ABCC4: variants seen among roughly 807,000 people sequenced by gnomAD.
The protein encoded by ABCC4 is ATP-binding cassette sub-family C member 4.
Under a neutral mutation model 168.5 loss-of-function variants are expected in ABCC4, and 102 were observed. The observed-to-expected ratio is 0.61, with a 90% confidence interval of 0.52 to 0.71. The LOEUF (loss-of-function observed/expected upper bound fraction) is 0.71. Among genes scored for constraint, ABCC4 ranks in the 30% least tolerant of loss-of-function variants. The probability of loss-of-function intolerance (pLI) is 0.00; values close to 1 mark genes in which losing one functional copy is unlikely to be tolerated. For synonymous variants in ABCC4, 617 were observed against 590.7 expected (o/e 1.04, Z -0.65); for missense variants, 1,402 against 1,605.8 (o/e 0.87, Z 2.17).
intron 19 of ABCC4, among the ~76,000 whole-genome samples, chr13:95,148,700 CT>C (rs1380571125): frequency 1.3e-5 from 2 of 151,600 alleles, no homozygotes; most frequent in Non-Finnish European, 1.5e-5. Context: ...CCAAAGTTCT[CT>C]CTCATTTGAC....
At chr13:95,144,649 A>T (rs2036428435) in intron 19 of ABCC4, among the ~76,000 whole-genome samples, 1 of 152,178 alleles carries the variant, frequency 6.6e-6, no homozygotes, top group Non-Finnish European at 1.5e-5. Flanking sequence ...GGCCACAAAA[A>T]CATAAAATAT....
chr13:95,208,778 G>A (rs1303625638), intron 6 of ABCC4, among the ~76,000 whole-genome samples: 4 of 151,788 alleles, frequency 2.6e-5, no homozygotes, highest in South Asian at 2.1e-4. Context: ...GTACCACCAT[G>A]CCCAGCTAAT....
intron 20 of ABCC4, among the ~76,000 whole-genome samples, chr13:95,091,793 C>T (rs8001657): frequency 0.19 from 29,008 of 151,876 alleles, 2,931 homozygotes; most frequent in Middle Eastern, 0.27. Context: ...ACAAACAGCG[C>T]GATGAATACA....
intron 19 of ABCC4, among the ~76,000 whole-genome samples, chr13:95,131,381 A>G (rs978433290): frequency 1.3e-5 from 2 of 152,150 alleles, no homozygotes; most frequent in African/African-American, 2.4e-5. Context: ...TAATCCTAAC[A>G]CTTTTGGAGG....
intron 20 of ABCC4, among the ~76,000 whole-genome samples, chr13:95,107,997 G>A (rs1472552399): frequency 6.6e-6 from 1 of 152,108 alleles, no homozygotes; most frequent in Non-Finnish European, 1.5e-5. Flanking sequence ...GCTTCCAGAT[G>A]CTCATATCTA....
intron 20 of ABCC4, among the ~76,000 whole-genome samples, chr13:95,107,593 A>G (rs766742463): frequency 5.3e-5 from 8 of 152,206 alleles, no homozygotes; most frequent in Non-Finnish European, 1.2e-4. Context: ...ACAGAGCTAT[A>G]TATATCACAA....
In ABCC4 at chr13:95,164,453, G is replaced by A. The variant is rs11568666; in HGVS notation, c.2100C>T (p.Ala700=). 7.5e-3 allele frequency: 12,180 copies of A among 1,614,150 alleles called. 66 individuals are homozygous for A. Among genetic ancestry groups the A allele is most frequent in the South Asian group, 0.011 (1,028 of 91,084 alleles). ...CACCAGCTCTGAAGTAATTCTTATA[G>A]GCCTGAAAACCAACTTTTCCTTCAG... ...NRSEGKVGFQ[A]YKNYFRAGAH... Residue 700 remains alanine, a synonymous_variant, in exon 16 of 31, where the codon GCC becomes GCT. Coordinates refer to ENST00000645237, the MANE Select transcript of ABCC4 (RefSeq NM_005845.5).
chr13:95,162,603 T>G (rs959935761), intron 18 of ABCC4, among the ~76,000 whole-genome samples: 11 of 152,172 alleles, frequency 7.2e-5, no homozygotes, highest in Admixed American at 7.2e-4. Context: ...AGCTTCCCTC[T>G]TAAGTAATTA....
At chr13:95,089,827 G>A (rs1329085129) in intron 20 of ABCC4, among the ~76,000 whole-genome samples, 5 of 151,256 alleles carry the variant, frequency 3.3e-5, no homozygotes, top group Admixed American at 6.6e-5. Context: ...GCAGTGAGCC[G>A]AAATCATGCC....
Position 95,209,534 on chromosome 13 carries a change from G to GT in ABCC4, c.684dup (p.Leu229ThrfsTer36). ...CACGATATTCCTATCTCCATCCAGAGTAGGGCAGTCACTGCAATCGCCTGC... is the reference window on the plus strand; with the variant it reads ...CACGATATTCCTATCTCCATCCAGAGTTAGGGCAGTCACTGCAATCGCCTGC... On this transcript the variant is annotated frameshift_variant, in exon 6 of 31. Transcript: ENST00000645237. LOFTEE classifies it high-confidence loss of function. 4 of 1,614,106 alleles carry GT rather than the reference G, an allele frequency of 2.5e-6. No homozygotes were observed. The highest frequency in any genetic ancestry group is 3.4e-6 in the Non-Finnish European group (4 of 1,179,940).
At chr13:95,047,627 A>G (rs1456864584) in intron 27 of ABCC4, among the ~76,000 whole-genome samples, 2 of 151,618 alleles carry the variant, frequency 1.3e-5, no homozygotes, top group Non-Finnish European at 2.9e-5. Flanking sequence ...CTACAGGTGC[A>G]TACCACCACA....
At chr13:95,029,167 CATATATATATATATATATATATATAT>C (rs67576340) in intron 30 of ABCC4, among the ~76,000 whole-genome samples, 7 of 82,932 alleles carry the variant, frequency 8.4e-5, no homozygotes, top group African/African-American at 2.3e-4. Flanking sequence ...AAAAAAAATA[CATATATATATATATATATATATATAT>C]ATATATATAT....
At chr13:95,119,275 C>T (rs778926160) in intron 19 of ABCC4, among the ~76,000 whole-genome samples, 16 of 152,208 alleles carry the variant, frequency 1.1e-4, no homozygotes, top group Admixed American at 6.5e-4. Flanking sequence ...TGCATCCCCA[C>T]GGACCCCAAA....
At chr13:95,184,925 G>C (rs944777836) in intron 11 of ABCC4, among the ~76,000 whole-genome samples, 2 of 152,120 alleles carry the variant, frequency 1.3e-5, no homozygotes, top group East Asian at 3.9e-4. Flanking sequence ...TCCACTCACT[G>C]CAACACACTG....
intron 19 of ABCC4, among the ~76,000 whole-genome samples, chr13:95,152,615 A>G (rs932230412): frequency 5.3e-5 from 8 of 152,238 alleles, no homozygotes; most frequent in Non-Finnish European, 1.0e-4. Flanking sequence ...AAAACTTGAT[A>G]AAAGCAAAAA....
chr13:95,043,982 A>G lies in ABCC4; in HGVS notation c.3630-195T>C, dbSNP rs72642341. 5.4e-3 allele frequency among the ~76,000 whole-genome samples: 824 copies of G among 152,334 alleles called. 6 individuals are homozygous for G. The highest frequency in any genetic ancestry group is 0.018 in the South Asian group (89 of 4,820). On this transcript the variant is annotated intron_variant, in intron 28 of 30. Coordinates refer to ENST00000645237, the MANE Select transcript of ABCC4 (RefSeq NM_005845.5). ...ATAAAAATCTATGTAGTAATTTACT[A>G]ATTTTCATAAAACAACGAAAAATGT...
chr13:95,160,937 G>C (rs1205796803), intron 19 of ABCC4, among the ~76,000 whole-genome samples: 2 of 152,128 alleles, frequency 1.3e-5, no homozygotes, highest in Non-Finnish European at 2.9e-5. Context: ...ATTCTGCAAA[G>C]TGAACATTCA....
At chr13:95,106,341 G>A (rs998053712) in intron 20 of ABCC4, among the ~76,000 whole-genome samples, 6 of 149,806 alleles carry the variant, frequency 4.0e-5, no homozygotes, top group African/African-American at 1.5e-4. Flanking sequence ...GTGTGTGTGC[G>A]TATATATGTG....
At chr13:95,080,627 T>C (rs562844607) in intron 21 of ABCC4, among the ~76,000 whole-genome samples, 1 of 152,272 alleles carries the variant, frequency 6.6e-6, no homozygotes, top group African/African-American at 2.4e-5. Flanking sequence ...GCATGCACCA[T>C]CACGCCCAGC....
Sources: allele counts gnomAD v4.1 joint callset (sites outside exome capture counted in the v4.1 genomes callset), GRCh38; gene constraint gnomAD v4.1.1; transcripts MANE v1.5; gene names NCBI Gene and HGNC (gene_info 2026-07-23, HGNC 2026-07-21).